Variants in SLC6A11 observed in about 807,000 individuals in gnomAD.
SLC6A11 encodes solute carrier family 6 member 11, also known as sodium- and chloride-dependent GABA transporter 3.
SLC6A11 carries 25 observed loss-of-function variants against 74.8 expected under a neutral mutation model. The observed-to-expected ratio is 0.33, with a 90% CI of 0.24 to 0.47. The LOEUF (loss-of-function observed/expected upper bound fraction) is 0.47, where lower values mean the gene tolerates loss of function less well. SLC6A11 is among the 20% of genes least tolerant of loss of function. SLC6A11 has a pLI of 1.00. For missense variants in SLC6A11, 574 were observed against 837.0 expected, an observed-to-expected ratio of 0.69 and a Z score of 3.88; for synonymous variants, 330 against 330.2, an observed-to-expected ratio of 1.00 and a Z score of 0.01.
rs933350313 is a variant in SLC6A11 at position 10,915,064 on chromosome 3, C to T, written c.995+2871C>T. Reference sequence around the variant, plus strand: ...TTACATAAGCAAGGAGATGGTGGCCCGTGGAGCTCGAGTCCCTTACTCCTG... The same window carrying T: ...TTACATAAGCAAGGAGATGGTGGCCTGTGGAGCTCGAGTCCCTTACTCCTG... On this transcript the variant is annotated intron_variant, in intron 7 of 13. Transcript: ENST00000254488. This position sits in a 1 kb window ranked among gnomAD's most constrained non-coding sequence, Gnocchi z 4.3. Among the ~76,000 whole-genome samples the T allele has an allele frequency of 1.3e-5, 2 of 152,144 alleles. No individual in the cohort carries two copies. The highest frequency in any genetic ancestry group is 2.9e-5 in the Non-Finnish European group (2 of 68,024).
At chr3:10,836,239 A>G (rs12330244) in intron 4 of SLC6A11, among the ~76,000 whole-genome samples, 1 of 152,212 alleles carries the variant, frequency 6.6e-6, no homozygotes, top group African/African-American at 2.4e-5. Context: ...GCATGGGTAG[A>G]CCATATTTTG....
chr3:10,929,385 C>A, intron 10 of SLC6A11, 46 bp downstream of exon 10: 1 of 1,600,680 alleles, frequency 6.2e-7, no homozygotes, highest in Non-Finnish European at 8.5e-7. Flanking sequence ...GGGTGTGTGA[C>A]GTCAACTCCC....
chr3:10,925,158 C>A (rs549788689), intron 8 of SLC6A11, among the ~76,000 whole-genome samples: 1 of 152,284 alleles, frequency 6.6e-6, no homozygotes, highest in South Asian at 2.1e-4. Flanking sequence ...GGTGTATACA[C>A]TTTTTAAAAC....
At chr3:10,929,368 G>T in intron 10 of SLC6A11, 29 bp downstream of exon 10, 1 of 1,609,634 alleles carries the variant, frequency 6.2e-7, no homozygotes, top group Non-Finnish European at 8.5e-7. Flanking sequence ...GCCGCACGGG[G>T]TGAAGTGGGT....
chr3:10,844,139 G>C, intron 4 of SLC6A11, 75 bp from the exon 5 acceptor site: 1 of 1,575,134 alleles, frequency 6.3e-7, no homozygotes. Context: ...GCCCATCCCT[G>C]CTCCTCTGCA....
At chr3:10,906,098 C>A (rs1695298863) in intron 6 of SLC6A11, among the ~76,000 whole-genome samples, 1 of 152,162 alleles carries the variant, frequency 6.6e-6, no homozygotes, top group South Asian at 2.1e-4. Flanking sequence ...TTTATACCTT[C>A]AACCACCCTT....
intron 6 of SLC6A11, among the ~76,000 whole-genome samples, chr3:10,901,889 T>TAC (rs1168624550): frequency 1.3e-5 from 2 of 152,244 alleles, no homozygotes; most frequent in African/African-American, 4.8e-5. Context: ...CGTTGTCAGG[T>TAC]ACACACTGGA....
At chr3:10,891,883 A>G (rs1368270932) in intron 6 of SLC6A11, among the ~76,000 whole-genome samples, 1 of 152,254 alleles carries the variant, frequency 6.6e-6, no homozygotes, top group African/African-American at 2.4e-5. Context: ...CCATGTTAAT[A>G]AACCCTACTC....
At chr3:10,877,713 G>A (rs532164242) in intron 6 of SLC6A11, among the ~76,000 whole-genome samples, 1 of 152,276 alleles carries the variant, frequency 6.6e-6, no homozygotes, top group African/African-American at 2.4e-5. Flanking sequence ...TAGTACCACA[G>A]GGAGCATCCT....
At chr3:10,817,458 C>T (rs958335613) in intron 1 of SLC6A11, among the ~76,000 whole-genome samples, 1 of 152,210 alleles carries the variant, frequency 6.6e-6, no homozygotes, top group African/African-American at 2.4e-5. Context: ...CCCCTCCTGT[C>T]ATATCGGCAG....
chr3:10,936,280 A>G (rs1695758774), intron 13 of SLC6A11, among the ~76,000 whole-genome samples: 1 of 152,246 alleles, frequency 6.6e-6, no homozygotes, highest in Non-Finnish European at 1.5e-5. Flanking sequence ...AACTTGCCCA[A>G]GGGCACACAG....
intron 5 of SLC6A11, among the ~76,000 whole-genome samples, chr3:10,849,365 T>C (rs2106588549): frequency 6.6e-6 from 1 of 152,348 alleles, no homozygotes; most frequent in East Asian, 1.9e-4. Context: ...GTCATTGTTT[T>C]TTTTCATCAA....
rs959612632 is a variant in SLC6A11 at position 10,926,172 on chromosome 3, C to T, written c.1233+56C>T. 1.1e-5 allele frequency: 13 copies of T among 1,170,352 alleles called. No individual in the cohort carries two copies. In the African/African-American group the frequency reaches 1.7e-4, roughly 15 times the overall value. The allele number at this position is 1,170,352 out of a possible 1,614,324, so 72.5% of individuals were successfully genotyped here. ...AGGGAGGGGAGCCTGGGCCAGGAGG[C>T]CAGACGCCACCCTTAGGAGTGGCTC... On this transcript the variant is annotated intron_variant, in intron 9 of 13. Transcript: ENST00000254488. This position sits in a 1 kb window ranked among gnomAD's most constrained non-coding sequence, Gnocchi z 5.7.
In SLC6A11 at chr3:10,933,081, C is replaced by T. The variant is rs969517453; in HGVS notation, c.1372-70C>T. 9 of 1,070,944 alleles carry T rather than the reference C, an allele frequency of 8.4e-6. No individual in the cohort carries two copies. In the African/African-American group the frequency reaches 1.4e-4, roughly 17 times the overall value. 66.3% of individuals were successfully genotyped at this position (1,070,944 alleles called of 1,614,324 possible). A position where few individuals can be genotyped will look rare whatever the true frequency, so the allele number is the denominator to read the frequency against. On this transcript the variant is annotated intron_variant, in intron 10 of 13. Coordinates refer to ENST00000254488, the MANE Select transcript of SLC6A11 (RefSeq NM_014229.3). ...GCAGAGAGAGGGACCTTCCTGAGGCCAGATGGCTGACCCTGCTCTCCCGTG... is the reference window on the plus strand; with the variant it reads ...GCAGAGAGAGGGACCTTCCTGAGGCTAGATGGCTGACCCTGCTCTCCCGTG...
chr3:10,843,291 C>G (rs1694461184), intron 4 of SLC6A11, among the ~76,000 whole-genome samples: 1 of 152,134 alleles, frequency 6.6e-6, no homozygotes, highest in Non-Finnish European at 1.5e-5. Flanking sequence ...GGCCTGGGCC[C>G]TCTGGGAAGC....
At chr3:10,859,695 C>T (rs949554313) in intron 5 of SLC6A11, among the ~76,000 whole-genome samples, 1 of 152,124 alleles carries the variant, frequency 6.6e-6, no homozygotes, top group African/African-American at 2.4e-5. Context: ...TAGATATCGT[C>T]TTATTTTTAA....
intron 9 of SLC6A11, among the ~76,000 whole-genome samples, chr3:10,927,447 A>AT (rs1263791599): frequency 1.3e-5 from 2 of 152,036 alleles, no homozygotes; most frequent in Non-Finnish European, 2.9e-5. Context: ...CATTGTCACA[A>AT]TAACCACACG....
intron 4 of SLC6A11, among the ~76,000 whole-genome samples, chr3:10,835,903 A>G (rs1694360579): frequency 6.6e-6 from 1 of 152,210 alleles, no homozygotes. Context: ...ATGCCATAAA[A>G]TGCACTCCTT....
intron 5 of SLC6A11, among the ~76,000 whole-genome samples, chr3:10,863,389 G>T (rs1694727562): frequency 6.6e-6 from 1 of 152,232 alleles, no homozygotes; most frequent in African/African-American, 2.4e-5. Flanking sequence ...CAGATTAAGA[G>T]CCTGAGGCTT....
Sources: allele counts gnomAD v4.1 joint callset (sites outside exome capture counted in the v4.1 genomes callset), GRCh38; gene constraint gnomAD v4.1.1; non-coding constraint Gnocchi (gnomAD v3.1); transcripts MANE v1.5; gene names NCBI Gene and HGNC (gene_info 2026-07-23, HGNC 2026-07-21).